Variants in OLA1 observed in about 807,000 individuals in gnomAD.
OLA1 encodes Obg like ATPase 1.
Under a neutral mutation model 48.4 loss-of-function variants are expected in OLA1, and 14 were observed. The ratio of observed to expected loss-of-function variants is 0.29; its 90% confidence interval spans 0.19 to 0.45. OLA1 has a LOEUF of 0.45. Ranked by LOEUF, OLA1 falls within the 20% of genes least tolerant of loss-of-function variation. OLA1 has a pLI of 1.00. For synonymous variants in OLA1, 127 were observed against 150.4 expected, an observed-to-expected ratio of 0.84 and a Z score of 1.14; for missense variants, 325 against 467.1, an observed-to-expected ratio of 0.70 and a Z score of 2.80.
intron 2 of OLA1, among the ~76,000 whole-genome samples, chr2:174,241,961 CAT>C (rs1423041981): frequency 1.3e-5 from 2 of 152,238 alleles, no homozygotes; most frequent in Non-Finnish European, 2.9e-5. Flanking sequence ...TTTAACCAAA[CAT>C]GTGGCTGTCA....
At chr2:174,211,972 A>G (rs555150999) in intron 4 of OLA1, among the ~76,000 whole-genome samples, 1 of 152,284 alleles carries the variant, frequency 6.6e-6, no homozygotes, top group East Asian at 1.9e-4. Context: ...GGCTTTTATT[A>G]TATTTCCATT....
chr2:174,153,014 C>T (rs2105389829), intron 4 of OLA1, among the ~76,000 whole-genome samples: 1 of 152,262 alleles, frequency 6.6e-6, no homozygotes, highest in Non-Finnish European at 1.5e-5. Flanking sequence ...AAAACTCAAT[C>T]TAGACCAAGA....
intron 4 of OLA1, among the ~76,000 whole-genome samples, chr2:174,183,770 A>G (rs1188657035): frequency 6.6e-6 from 1 of 152,220 alleles, no homozygotes; most frequent in African/African-American, 2.4e-5. Flanking sequence ...ATTAAATGAG[A>G]TGATTCATGT....
intron 2 of OLA1, among the ~76,000 whole-genome samples, chr2:174,246,320 A>G (rs1689127048): frequency 6.6e-6 from 1 of 152,080 alleles, no homozygotes; most frequent in African/African-American, 2.4e-5. Flanking sequence ...AAGAAAAAGA[A>G]AAGAAAATAT....
In OLA1 at chr2:174,091,319, A is replaced by G. The variant is rs150374626; in HGVS notation, c.729-9255T>C. 3.8e-4 allele frequency among the ~76,000 whole-genome samples: 58 copies of G among 152,358 alleles called. 1 individual carries two copies. The East Asian group carries it at 0.011, about 28-fold the overall frequency. On this transcript the variant is annotated intron_variant, in intron 7 of 10. Transcript: ENST00000284719. Reference sequence around the variant, plus strand: ...GAGAACAAGGGAAGAAGGGACAGTGAGGTTTTGGATTTTCCACTCTTGCAT... The same window carrying G: ...GAGAACAAGGGAAGAAGGGACAGTGGGGTTTTGGATTTTCCACTCTTGCAT...
In OLA1 at chr2:174,123,598, T is replaced by C. The variant is rs1214632460; in HGVS notation, c.627A>G (p.Lys209=). ...PVRFYHDWND[K]EIEVLNKHLF... ...TGGCATGATATTTACAACTTACCTC[T>C]TTGTCATTCCAATCATGATAGAAGC... Residue 209 remains lysine (K), a synonymous_variant, in exon 6 of 11, where the codon AAA becomes AAG. Transcript: ENST00000284719. 3 of 1,576,824 alleles carry C rather than the reference T, an allele frequency of 1.9e-6. No individual in the cohort carries two copies. The African/African-American group carries it at 4.1e-5, about 22-fold the overall frequency.
intron 7 of OLA1, among the ~76,000 whole-genome samples, chr2:174,114,548 C>A (rs1685736986): frequency 6.6e-6 from 1 of 151,820 alleles, no homozygotes; most frequent in Non-Finnish European, 1.5e-5. Context: ...AAATGATTAC[C>A]AATGAACAGA....
At chr2:174,225,516 T>G (rs914014143) in intron 3 of OLA1, among the ~76,000 whole-genome samples, 8 of 151,978 alleles carry the variant, frequency 5.3e-5, no homozygotes, top group South Asian at 2.1e-4. Flanking sequence ...GCCATTGCAC[T>G]CCAGCCTGGG....
intron 5 of OLA1, among the ~76,000 whole-genome samples, chr2:174,130,045 G>T (rs1485559801): frequency 6.6e-6 from 1 of 152,164 alleles, no homozygotes; most frequent in Non-Finnish European, 1.5e-5. Flanking sequence ...ACAGTCGCTA[G>T]AAGTCCACTA....
At chr2:174,181,995 T>A (rs926270446) in intron 4 of OLA1, among the ~76,000 whole-genome samples, 3 of 152,180 alleles carry the variant, frequency 2.0e-5, no homozygotes, top group African/African-American at 7.2e-5. Context: ...CTTGAGTGAA[T>A]AAATTGTGGG....
intron 2 of OLA1, among the ~76,000 whole-genome samples, chr2:174,238,426 G>A (rs995663245): frequency 6.6e-6 from 1 of 150,760 alleles, no homozygotes; most frequent in Non-Finnish European, 1.5e-5. Flanking sequence ...CCCAGGAGGT[G>A]GAGGCTGCAG....
Position 174,078,979 on chromosome 2 carries a change from T to C in OLA1, c.1078A>G (p.Asn360Asp), listed in dbSNP as rs779259430. 5 of 1,601,006 alleles carry C rather than the reference T, an allele frequency of 3.1e-6. No homozygotes were observed. The highest frequency in any genetic ancestry group is 4.3e-6 in the Non-Finnish European group (5 of 1,175,288). ...AAACAATTCTTTACCTTGACTGCAT[T>C]TTCAGAACCTTCCTCTTTAAAATCT... Reference protein sequence around the residue: ...YEDFKEEGSENAVKAAGKYRQ... With the variant: ...YEDFKEEGSEDAVKAAGKYRQ... The change falls in exon 10 of 11, where the codon AAT becomes GAT. Residue 360 changes from asparagine to aspartate, a missense_variant. Coordinates refer to ENST00000284719, the MANE Select transcript of OLA1 (RefSeq NM_013341.5).
intron 7 of OLA1, among the ~76,000 whole-genome samples, chr2:174,101,253 T>A (rs1244583157): frequency 6.6e-6 from 1 of 152,248 alleles, no homozygotes; most frequent in Non-Finnish European, 1.5e-5. Context: ...ATAATCTGCC[T>A]TTCCATGATC....
intron 4 of OLA1, among the ~76,000 whole-genome samples, chr2:174,151,305 G>A (rs1031106363): frequency 6.6e-6 from 1 of 152,126 alleles, no homozygotes. Flanking sequence ...TCAAGAAAAC[G>A]ATGTCAACCA....
chr2:174,181,517 A>G (rs1384557957), intron 4 of OLA1, among the ~76,000 whole-genome samples: 3 of 152,210 alleles, frequency 2.0e-5, no homozygotes, highest in Non-Finnish European at 4.4e-5. Flanking sequence ...CAGCAGGATC[A>G]TAGTCCTATA....
chr2:174,237,925 T>C (rs1210933271), intron 2 of OLA1, among the ~76,000 whole-genome samples: 6 of 152,224 alleles, frequency 3.9e-5, no homozygotes, highest in Admixed American at 3.9e-4. Flanking sequence ...CCTTGCACTA[T>C]GAAATTACCA....
intron 7 of OLA1, among the ~76,000 whole-genome samples, chr2:174,087,059 G>A (rs1042930718): frequency 1.6e-4 from 24 of 146,560 alleles, no homozygotes; most frequent in Admixed American, 1.3e-3. Context: ...ACAAAGTCTC[G>A]CTCTGTCGCC....
intron 7 of OLA1, among the ~76,000 whole-genome samples, chr2:174,083,033 T>A (rs902308990): frequency 1.3e-5 from 2 of 152,116 alleles, no homozygotes; most frequent in African/African-American, 4.8e-5. Flanking sequence ...AGTAAAGAAT[T>A]AACAGCAGTT....
At chr2:174,144,544 T>C (rs1686533736) in intron 4 of OLA1, among the ~76,000 whole-genome samples, 1 of 152,050 alleles carries the variant, frequency 6.6e-6, no homozygotes, top group Non-Finnish European at 1.5e-5. Flanking sequence ...AGCTGAAAAA[T>C]TGGAGATTCT....
Sources: gnomAD v4.1 joint callset for allele counts (sites outside exome capture counted in the v4.1 genomes callset) on GRCh38, gnomAD v4.1.1 for gene constraint, MANE v1.5 for transcripts, NCBI Gene and HGNC (gene_info 2026-07-23, HGNC 2026-07-21) for gene names.